The following POLK variants were observed in gnomAD, a reference collection of about 807,000 sequenced individuals.
POLK encodes DNA polymerase kappa, also known as polymerase (DNA directed) kappa.
In POLK, 76 loss-of-function variants were observed where a neutral mutation model predicts 94.0. The observed-to-expected ratio is 0.81, with a 90% CI of 0.67 to 0.98. The LOEUF (loss-of-function observed/expected upper bound fraction) is 0.98, where lower values mean the gene tolerates loss of function less well. Ranked by LOEUF, POLK falls within the 50% of genes least tolerant of loss-of-function variation. The pLI, the probability that POLK is intolerant of heterozygous loss-of-function variation, is 0.00. For synonymous variants in POLK, 349 were observed against 325.4 expected, an observed-to-expected ratio of 1.07 and a Z score of -0.78; for missense variants, 954 against 1,010.1, an observed-to-expected ratio of 0.94 and a Z score of 0.75.
At chr5:75,593,940 A>G in exon 12 of POLK, 2 of 1,608,774 alleles carry the variant, frequency 1.2e-6, no homozygotes, top group South Asian at 1.1e-5. Context: ...GTGCATCTAC[A>G]GTTTCATCTG....
intron 1 of POLK, among the ~76,000 whole-genome samples, chr5:75,542,581 A>G (rs1481325585): frequency 6.6e-6 from 1 of 151,390 alleles, no homozygotes; most frequent in Non-Finnish European, 1.5e-5. Context: ...ATGTGTGGGT[A>G]TATATATGTG....
upstream of POLK, chr5:75,511,194 T>G (rs1308210402): frequency 6.2e-7 from 1 of 1,613,126 alleles, no homozygotes; most frequent in Non-Finnish European, 8.5e-7. Context: ...GTTCCAGCTC[T>G]GATTATCCGA....
chr5:75,559,021 T>C (rs1770796441), intron 3 of POLK, among the ~76,000 whole-genome samples: 1 of 152,206 alleles, frequency 6.6e-6, no homozygotes, highest in South Asian at 2.1e-4. Context: ...TCTGGCATCT[T>C]TTGCAACAGG....
intron 1 of POLK, among the ~76,000 whole-genome samples, chr5:75,524,445 CA>C (rs1180577592): frequency 1.3e-5 from 2 of 152,068 alleles, no homozygotes; most frequent in East Asian, 3.9e-4. Context: ...GTGCTGTCAG[CA>C]AACATCTGTT....
chr5:75,551,757 C>T (rs528870900), intron 2 of POLK, among the ~76,000 whole-genome samples: 53 of 152,296 alleles, frequency 3.5e-4, no homozygotes, highest in African/African-American at 1.2e-3. Flanking sequence ...AACCCTCCTA[C>T]GTTGCTGATG....
chr5:75,600,902 T>C (rs924395276), exon 15 of POLK: 1 of 152,192 alleles, frequency 6.6e-6, no homozygotes, highest in Non-Finnish European at 1.5e-5. Context: ...GAGATACAAC[T>C]GTAAAGAAAA....
chr5:75,582,254 T>C, intron 7 of POLK: 1 of 355,436 alleles, frequency 2.8e-6, no homozygotes, highest in East Asian at 1.7e-4. Context: ...CTGTTATTCA[T>C]CATGAGGACC....
At chr5:75,553,611 C>T (rs938198957) in intron 3 of POLK, among the ~76,000 whole-genome samples, 9 of 152,144 alleles carry the variant, frequency 5.9e-5, no homozygotes, top group African/African-American at 1.4e-4. Flanking sequence ...AATTTATTTA[C>T]CATATCCCAC....
chr5:75,601,839 T>C (rs918535333), downstream of POLK, among the ~76,000 whole-genome samples: 1 of 152,126 alleles, frequency 6.6e-6, no homozygotes, highest in African/African-American at 2.4e-5. Flanking sequence ...CTTGTGATTG[T>C]GTGAGTCAAT....
Position 75,539,221 on chromosome 5 carries a change from G to A in POLK, c.-13-7789G>A, listed in dbSNP as rs183938100. Among the ~76,000 whole-genome samples the A allele has an allele frequency of 6.6e-5, 10 of 150,860 alleles. 1 individual carries two copies. The East Asian group carries it at 1.9e-3, about 29-fold the overall frequency. ...GTGATTATGTTTCTAAATCATTTTG[G>A]CTTAATCACTCCAAGACCACAACTT... On this transcript the variant is annotated intron_variant, in intron 1 of 14. Coordinates refer to ENST00000241436, the Ensembl canonical transcript of POLK.
At chr5:75,517,870 C>CT (rs1399802360) in intron 1 of POLK, among the ~76,000 whole-genome samples, 2 of 152,140 alleles carry the variant, frequency 1.3e-5, no homozygotes, top group Non-Finnish European at 2.9e-5. Context: ...TTGTCAAATA[C>CT]TTTTTCAGCA....
chr5:75,517,355 A>C (rs2112523444), intron 1 of POLK, among the ~76,000 whole-genome samples: 1 of 152,254 alleles, frequency 6.6e-6, no homozygotes, highest in South Asian at 2.1e-4. Context: ...TCTTTCACTT[A>C]AGATAATTGC....
chr5:75,599,168 C>T (rs953332230), exon 15 of POLK: 1 of 152,076 alleles, frequency 6.6e-6, no homozygotes, highest in Non-Finnish European at 1.5e-5. Context: ...AGGAGAACTA[C>T]TTGAACCTGG....
intron 3 of POLK, among the ~76,000 whole-genome samples, chr5:75,555,973 G>A (rs1770599962): frequency 6.6e-6 from 1 of 152,184 alleles, no homozygotes. Context: ...AAATATCCAT[G>A]GCCAGGCTTA....
chr5:75,580,307 TGG>T (rs1772129634), intron 6 of POLK, among the ~76,000 whole-genome samples: 2 of 152,136 alleles, frequency 1.3e-5, no homozygotes, highest in Non-Finnish European at 2.9e-5. Flanking sequence ...TTGCTAACCT[TGG>T]TTGTTATAAA....
Position 75,526,801 on chromosome 5 carries a change from G to A in POLK, c.-14+14887G>A, listed in dbSNP as rs367557793. Among the ~76,000 whole-genome samples the A allele has an allele frequency of 5.3e-5, 8 of 152,104 alleles. No individual in the cohort carries two copies. The East Asian group carries it at 9.7e-4, about 18-fold the overall frequency. On this transcript the variant is annotated intron_variant, in intron 1 of 14. Transcript: ENST00000241436. Reference sequence around the variant, plus strand: ...TTGCCATGTTGGCCAGGCTGGTCTCGAACTCCTGGCCTCAAGTAATCCACC... The same window carrying A: ...TTGCCATGTTGGCCAGGCTGGTCTCAAACTCCTGGCCTCAAGTAATCCACC...
At chr5:75,529,078 G>C (rs1198024605) in intron 1 of POLK, among the ~76,000 whole-genome samples, 1 of 152,088 alleles carries the variant, frequency 6.6e-6, no homozygotes, top group Non-Finnish European at 1.5e-5. Flanking sequence ...CATTTGCATT[G>C]CTTTAAAGGA....
intron 9 of POLK, among the ~76,000 whole-genome samples, 159 bp from the exon 10 acceptor site, chr5:75,586,867 T>A (rs1772498526): frequency 6.6e-6 from 1 of 152,146 alleles, no homozygotes; most frequent in South Asian, 2.1e-4. Context: ...CTATGTTCTT[T>A]GGTGATTTGT....
At chr5:75,544,935 C>G (rs1580980569) in intron 1 of POLK, among the ~76,000 whole-genome samples, 1 of 152,290 alleles carries the variant, frequency 6.6e-6, no homozygotes, top group East Asian at 1.9e-4. Context: ...CCCCTGGGCA[C>G]TACGAAATAA....
Sources: allele counts gnomAD v4.1 joint callset (sites outside exome capture counted in the v4.1 genomes callset), GRCh38; gene constraint gnomAD v4.1.1; transcripts MANE v1.5; gene names NCBI Gene and HGNC (gene_info 2026-07-23, HGNC 2026-07-21).